The following MSL2 variants were observed in gnomAD, a reference collection of about 807,000 sequenced individuals.
MSL2 encodes the protein MSL complex subunit 2, also known as E3 ubiquitin-protein ligase MSL2.
Under a neutral mutation model 35.8 loss-of-function variants are expected in MSL2, and 2 were observed. That is an observed-to-expected ratio of 0.06 (90% CI 0.02 to 0.18). The LOEUF (loss-of-function observed/expected upper bound fraction) is 0.18. Among genes scored for constraint, MSL2 ranks in the 10% least tolerant of loss-of-function variants. The pLI, the probability that MSL2 is intolerant of heterozygous loss-of-function variation, is 1.00. For missense variants in MSL2, 523 were observed against 706.7 expected, an observed-to-expected ratio of 0.74 and a Z score of 2.95; for synonymous variants, 296 against 255.7, an observed-to-expected ratio of 1.16 and a Z score of -1.50.
At chr3:136,157,256 GATCACCTGAGGTCAGGAAGGCGGGCCA>G (rs780167599) in intron 1 of MSL2, among the ~76,000 whole-genome samples, 17,911 of 149,428 alleles carry the variant, frequency 0.12, 1,932 homozygotes, top group African/African-American at 0.28. Context: ...AAGGCGGGCC[GATCACCTGAGGTCAGGAAGGCGGGCCA>G]ATCACCTGAG....
rs1198176533 is a variant in MSL2 at position 136,151,171 on chromosome 3, A to C, written c.1710T>G (p.Ala570=). Residue 570 remains alanine (A), a synonymous_variant, in exon 2 of 2, where the codon GCT becomes GCG. Transcript: ENST00000309993. This position sits in a 1 kb window ranked among gnomAD's most constrained non-coding sequence, Gnocchi z 5.2. ...TTTAACAGTCGAATCTCATGTCTAT[A>C]GCTTCATCCAAACTTTTATCATCAT... The part of the protein sequence containing the change: ...STHDDKSLDE[A]IDMRFDC 5.0e-6 allele frequency: 8 copies of C among 1,613,884 alleles called. No individual in the cohort carries two copies. The highest frequency in any genetic ancestry group is 6.8e-6 in the Non-Finnish European group (8 of 1,179,736).
rs933151266 is a variant in MSL2 at position 136,195,847 on chromosome 3, G to C, written c.-734C>G. 5.1e-6 allele frequency: 5 copies of C among 982,928 alleles called. No individual in the cohort carries two copies. The highest frequency in any genetic ancestry group is 1.2e-4 in the Admixed American group (2 of 16,180). The allele number at this position is 982,928 out of a possible 1,614,324, so 60.9% of individuals were successfully genotyped here. Reference sequence around the variant, plus strand: ...GAGGGGAAGGCCGGGGAGGAAGTGCGCGGGCCGCCGCCGGCGGGCGGGAGG... The same window carrying C: ...GAGGGGAAGGCCGGGGAGGAAGTGCCCGGGCCGCCGCCGGCGGGCGGGAGG... On this transcript the variant is annotated 5_prime_UTR_variant, in exon 1 of 2. Transcript: ENST00000309993.
At chr3:136,180,763 AGGGAGGGAGGGAGGGAGGGAGG>A (rs1940320801) in intron 1 of MSL2, among the ~76,000 whole-genome samples, 5 of 28,858 alleles carry the variant, frequency 1.7e-4, no homozygotes, top group African/African-American at 5.8e-4. Context: ...GGAGGGAAGG[AGGGAGGGAGGGAGGGAGGGAGG>A]GAGGGAGGGA....
intron 1 of MSL2, among the ~76,000 whole-genome samples, chr3:136,185,401 T>A (rs1339165488): frequency 2.6e-5 from 4 of 151,872 alleles, no homozygotes; most frequent in African/African-American, 7.3e-5. Flanking sequence ...ATCATTCAAG[T>A]CATCATAGAA....
Position 136,159,354 on chromosome 3 carries a change from C to CTTTTTTTTTTTTTTTTTTT in MSL2, c.143-6635_143-6617dup, listed in dbSNP as rs71157361. Among the ~76,000 whole-genome samples the CTTTTTTTTTTTTTTTTTTT allele has an allele frequency of 4.1e-4, 29 of 70,066 alleles. 1 individual carries two copies. The highest frequency in any genetic ancestry group is 1.6e-3 in the African/African-American group (28 of 18,016). 46.0% of individuals were successfully genotyped at this position (70,066 alleles called of 152,430 possible). A position where few individuals can be genotyped will look rare whatever the true frequency, so the allele number is the denominator to read the frequency against. ...TTCAATGGGGAAAGGAGAGTACTTT[C>CTTTTTTTTTTTTTTTTTTT]TTTTTTTTTTTTTTTTTTTTTTTTT... is the stretch of plus-strand genomic sequence containing the variant. On this transcript the variant is annotated intron_variant, in intron 1 of 1. Transcript: ENST00000309993.
At chr3:136,190,400 A>T (rs184002968) in intron 1 of MSL2, among the ~76,000 whole-genome samples, 17 of 152,290 alleles carry the variant, frequency 1.1e-4, no homozygotes, top group East Asian at 3.9e-4. Context: ...AAAAATTTTT[A>T]AATTAGCCAA....
chr3:136,182,146 T>C (rs1044917009), intron 1 of MSL2, among the ~76,000 whole-genome samples: 1 of 152,194 alleles, frequency 6.6e-6, no homozygotes, highest in Non-Finnish European at 1.5e-5. Context: ...ATGTTTTATA[T>C]CTGCAATGTC....
intron 1 of MSL2, among the ~76,000 whole-genome samples, chr3:136,184,109 C>T (rs1940442999): frequency 6.6e-6 from 1 of 151,698 alleles, no homozygotes; most frequent in African/African-American, 2.4e-5. Context: ...TCCTGGCTAA[C>T]ACGGTGAAAC....
At chr3:136,188,712 C>T (rs1424008234) in intron 1 of MSL2, among the ~76,000 whole-genome samples, 2 of 125,948 alleles carry the variant, frequency 1.6e-5, no homozygotes, top group Non-Finnish European at 3.2e-5. Flanking sequence ...GGGAAGAGAG[C>T]AAGACCCTGT....
intron 1 of MSL2, among the ~76,000 whole-genome samples, chr3:136,173,665 G>C (rs1205648017): frequency 6.6e-6 from 1 of 151,948 alleles, no homozygotes; most frequent in Non-Finnish European, 1.5e-5. Context: ...GCTTATCTCC[G>C]TGCCTTACCT....
chr3:136,192,937 C>T (rs1312499334), intron 1 of MSL2, among the ~76,000 whole-genome samples: 5 of 152,076 alleles, frequency 3.3e-5, no homozygotes, highest in Admixed American at 3.3e-4. Context: ...TAATCATAGA[C>T]TTACGTCCAA....
chr3:136,156,845 A>C (rs1939542356), intron 1 of MSL2, among the ~76,000 whole-genome samples: 2 of 152,098 alleles, frequency 1.3e-5, no homozygotes, highest in African/African-American at 2.4e-5. Flanking sequence ...ACAGAGCCAG[A>C]CTCCATCTCA....
chr3:136,187,990 C>T (rs1940571075), intron 1 of MSL2, among the ~76,000 whole-genome samples: 1 of 152,080 alleles, frequency 6.6e-6, no homozygotes, highest in South Asian at 2.1e-4. Context: ...ATGTCACATT[C>T]CTTAGCCTGG....
Position 136,195,635 on chromosome 3 carries a change from G to A in MSL2, c.-522C>T, listed in dbSNP as rs1449106325. 5.4e-5 allele frequency: 53 copies of A among 980,376 alleles called. No homozygotes were observed. The highest frequency in any genetic ancestry group is 6.4e-5 in the Non-Finnish European group (53 of 825,148). The allele number at this position is 980,376 out of a possible 1,614,324, so 60.7% of individuals were successfully genotyped here. ...CGGCGACGGCAAGGACGACGGTCGGGCAGCGGCTTCCCGGATCTAGTGCAA... is the reference window on the plus strand; with the variant it reads ...CGGCGACGGCAAGGACGACGGTCGGACAGCGGCTTCCCGGATCTAGTGCAA... On this transcript the variant is annotated 5_prime_UTR_variant, in exon 1 of 2. Transcript: ENST00000309993.
chr3:136,162,418 C>CA (rs1469820691), intron 1 of MSL2, among the ~76,000 whole-genome samples: 3 of 151,666 alleles, frequency 2.0e-5, no homozygotes, highest in South Asian at 4.2e-4. Context: ...CCCATCTCTA[C>CA]AAAAAATAAA....
chr3:136,169,523 A>G (rs546063168), intron 1 of MSL2, among the ~76,000 whole-genome samples: 6 of 152,184 alleles, frequency 3.9e-5, no homozygotes, highest in African/African-American at 1.2e-4. Context: ...ATCTGGGCTC[A>G]CTGCAACCTC....
At chr3:136,182,325 A>C (rs1299265076) in intron 1 of MSL2, among the ~76,000 whole-genome samples, 1 of 152,240 alleles carries the variant, frequency 6.6e-6, no homozygotes, top group East Asian at 1.9e-4. Context: ...ATGTGATCTT[A>C]TTCTGCTTCC....
chr3:136,185,150 A>G (rs1940482702), intron 1 of MSL2, among the ~76,000 whole-genome samples: 1 of 151,940 alleles, frequency 6.6e-6, no homozygotes, highest in Non-Finnish European at 1.5e-5. Context: ...TATTTTTTGT[A>G]TTTTTAATAG....
intron 1 of MSL2, among the ~76,000 whole-genome samples, chr3:136,165,014 C>T (rs1337786521): frequency 6.6e-6 from 1 of 151,986 alleles, no homozygotes; most frequent in Non-Finnish European, 1.5e-5. Context: ...GCTGGGACCA[C>T]AGGTGAGCAC....
Sources: gnomAD v4.1 joint callset for allele counts (sites outside exome capture counted in the v4.1 genomes callset) on GRCh38, gnomAD v4.1.1 for gene constraint, Gnocchi (gnomAD v3.1) non-coding constraint, MANE v1.5 for transcripts, NCBI Gene and HGNC (gene_info 2026-07-23, HGNC 2026-07-21) for gene names.